The following RAB3IP variants were observed in gnomAD, a reference collection of about 807,000 sequenced individuals.
RAB3IP encodes the protein rab-3A-interacting protein.
In RAB3IP, 36 loss-of-function variants were observed where a neutral mutation model predicts 59.1. The observed-to-expected ratio is 0.61, with a 90% confidence interval of 0.47 to 0.80. The LOEUF is 0.80. Among genes scored for constraint, RAB3IP ranks in the 30% least tolerant of loss-of-function variants. RAB3IP has a pLI of 0.00. For synonymous variants in RAB3IP, 207 were observed against 191.2 expected (o/e 1.08, Z -0.68); for missense variants, 511 against 536.0 (o/e 0.95, Z 0.46).
Position 69,760,682 on chromosome 12 carries a change from A to G in RAB3IP, c.510+4019A>G, listed in dbSNP as rs118159612. 2.1e-4 allele frequency among the ~76,000 whole-genome samples: 32 copies of G among 152,158 alleles called. 1 individual carries two copies. The East Asian group carries it at 6.2e-3, about 29-fold the overall frequency. On this transcript the variant is annotated intron_variant, in intron 3 of 10. Coordinates refer to ENST00000247833, the MANE Select transcript of RAB3IP (RefSeq NM_022456.5). Reference sequence around the variant, plus strand: ...ATATTTTCACTGAGTAAAGAATTTAAGATTGATAATTTTTTTTTTTTTGTT... The same window carrying G: ...ATATTTTCACTGAGTAAAGAATTTAGGATTGATAATTTTTTTTTTTTTGTT...
intron 3 of RAB3IP, among the ~76,000 whole-genome samples, chr12:69,781,466 T>C (rs1400984916): frequency 1.3e-5 from 2 of 152,210 alleles, no homozygotes; most frequent in African/African-American, 4.8e-5. Context: ...GGCATGTGTC[T>C]ACCATGATAG....
rs74101337 is a variant in RAB3IP, at chr12:69,815,246, G to A, written c.1301-118G>A. On this transcript the variant is annotated intron_variant, in intron 10 of 10. Transcript: ENST00000247833. Reference sequence around the variant, plus strand: ...AGTTTATGTGAATTATTGAAAAAATGTAGGTACATCTTTAGGAAATGCACA... The same window carrying A: ...AGTTTATGTGAATTATTGAAAAAATATAGGTACATCTTTAGGAAATGCACA... 6.0e-3 allele frequency: 4,089 copies of A among 676,964 alleles called. 127 individuals are homozygous for A. In the African/African-American group the frequency reaches 0.065, roughly 11 times the overall value. The allele number at this position is 676,964 out of a possible 1,614,324, so 41.9% of individuals were successfully genotyped here.
intron 8 of RAB3IP, chr12:69,812,038 C>G (rs1314937526): frequency 2.6e-5 from 4 of 152,174 alleles, no homozygotes; most frequent in Admixed American, 1.3e-4. Flanking sequence ...CTAGCTTTAT[C>G]TCATGGAGCC....
At chr12:69,794,256 A>T (rs1284015383) in intron 4 of RAB3IP, among the ~76,000 whole-genome samples, 181 bp from the exon 5 acceptor site, 1 of 152,174 alleles carries the variant, frequency 6.6e-6, no homozygotes, top group Non-Finnish European at 1.5e-5. Context: ...GAAGGCACCT[A>T]TTCCTAATGT....
chr12:69,752,494 A>G (rs896196943), intron 1 of RAB3IP, among the ~76,000 whole-genome samples: 8 of 152,066 alleles, frequency 5.3e-5, no homozygotes, highest in Non-Finnish European at 1.2e-4. Flanking sequence ...ACCCTGGTTC[A>G]TTGAATCAGT....
intron 1 of RAB3IP, among the ~76,000 whole-genome samples, chr12:69,745,559 G>A (rs1327491362): frequency 6.6e-6 from 1 of 152,062 alleles, no homozygotes; most frequent in Non-Finnish European, 1.5e-5. Flanking sequence ...AATAGCAAAT[G>A]CTCATTTCAA....
At chr12:69,765,663 C>T (rs1012966039) in intron 3 of RAB3IP, among the ~76,000 whole-genome samples, 4 of 152,166 alleles carry the variant, frequency 2.6e-5, no homozygotes, top group African/African-American at 9.7e-5. Context: ...AAAGCCTCTG[C>T]ACAGGAGGAG....
At chr12:69,795,652 T>C (rs779602823) in intron 6 of RAB3IP, 9 of 456,208 alleles carry the variant, frequency 2.0e-5, no homozygotes, top group Non-Finnish European at 3.5e-5. Context: ...TAGTCAAAAT[T>C]TATTGCTAGA....
At chr12:69,740,397 CT>C (rs545131225) in intron 1 of RAB3IP, among the ~76,000 whole-genome samples, 21 of 152,236 alleles carry the variant, frequency 1.4e-4, no homozygotes, top group African/African-American at 5.1e-4. Context: ...TCCTAAAGCC[CT>C]TGTGGAATTT....
At chr12:69,763,277 TGGA>T (rs1871655514) in intron 3 of RAB3IP, among the ~76,000 whole-genome samples, 1 of 152,226 alleles carries the variant, frequency 6.6e-6, no homozygotes, top group African/African-American at 2.4e-5. Flanking sequence ...ATTGTTGTGG[TGGA>T]GAACGACTCT....
intron 6 of RAB3IP, 98 bp from the exon 7 acceptor site, chr12:69,800,111 T>A: frequency 3.2e-6 from 3 of 929,372 alleles, no homozygotes; most frequent in Non-Finnish European, 4.5e-6. Flanking sequence ...ATGAAGAGCT[T>A]TTTTTCAGTG....
intron 4 of RAB3IP, among the ~76,000 whole-genome samples, chr12:69,791,305 C>T (rs1876572103): frequency 6.6e-6 from 1 of 152,040 alleles, no homozygotes; most frequent in Non-Finnish European, 1.5e-5. Flanking sequence ...ACACCAAAAG[C>T]ACAGGCAACA....
intron 3 of RAB3IP, among the ~76,000 whole-genome samples, chr12:69,771,762 A>G (rs1230955488): frequency 6.6e-6 from 1 of 152,134 alleles, no homozygotes; most frequent in South Asian, 2.1e-4. Context: ...TACCACCAAC[A>G]CTGTATGAAA....
At chr12:69,747,444 G>A (rs180722075) in intron 1 of RAB3IP, among the ~76,000 whole-genome samples, 5 of 152,132 alleles carry the variant, frequency 3.3e-5, no homozygotes, top group Admixed American at 3.3e-4. Flanking sequence ...TGGGACCACA[G>A]GCGTATGCCA....
intron 6 of RAB3IP, chr12:69,796,793 A>G (rs1877496645): frequency 4.5e-6 from 2 of 440,174 alleles, no homozygotes. Context: ...TGCCTGGTAC[A>G]ACTTGTATTT....
chr12:69,762,168 CAT>C (rs1442756779), intron 3 of RAB3IP, among the ~76,000 whole-genome samples: 1 of 152,168 alleles, frequency 6.6e-6, no homozygotes, highest in African/African-American at 2.4e-5. Flanking sequence ...GGGGACCAAT[CAT>C]GTGGTCACTT....
chr12:69,818,123 G>C lies in RAB3IP; in HGVS notation c.*2677G>C, dbSNP rs982225998. On this transcript the variant is annotated 3_prime_UTR_variant, in exon 11 of 11. Coordinates refer to ENST00000247833, the MANE Select transcript of RAB3IP (RefSeq NM_022456.5). ...GATCACTCACATATTGCTGATGGGG[G>C]TATCAATTGGTATATCCACTGTGAA... 2.7e-4 allele frequency: 41 copies of C among 152,178 alleles called. No individual in the cohort carries two copies. Among genetic ancestry groups the C allele is most frequent in the African/African-American group, 9.4e-4 (39 of 41,440 alleles). The allele number at this position is 152,178 out of a possible 1,614,324, so 9.4% of individuals were successfully genotyped here.
rs1035878076 is a variant in RAB3IP at position 69,816,470 on chromosome 12, T to TA, written c.*1024_*1025insA. The TA allele has an allele frequency of 6.6e-6, 1 of 152,184 alleles. No individual in the cohort carries two copies. The highest frequency in any genetic ancestry group is 2.4e-5 in the African/African-American group (1 of 41,432). 9.4% of individuals were successfully genotyped at this position (152,184 alleles called of 1,614,324 possible). A position where few individuals can be genotyped will look rare whatever the true frequency, so the allele number is the denominator to read the frequency against. ...TGAAACAAAAAGTAGGCTTTTTTTT[T>TA]GCTTTTTAAACCTAAACATTAAATA... On this transcript the variant is annotated 3_prime_UTR_variant, in exon 11 of 11. Coordinates refer to ENST00000247833, the MANE Select transcript of RAB3IP (RefSeq NM_022456.5).
At chr12:69,752,814 A>C (rs1272599721) in intron 1 of RAB3IP, among the ~76,000 whole-genome samples, 2 of 152,214 alleles carry the variant, frequency 1.3e-5, no homozygotes, top group Admixed American at 6.5e-5. Flanking sequence ...TATGTTAATG[A>C]ATTGGTTAGT....
Sources: gnomAD v4.1 joint callset for allele counts (sites outside exome capture counted in the v4.1 genomes callset) on GRCh38, gnomAD v4.1.1 for gene constraint, MANE v1.5 for transcripts, NCBI Gene and HGNC (gene_info 2026-07-23, HGNC 2026-07-21) for gene names.